Variants in MROH1 observed in about 807,000 individuals in gnomAD.
The protein encoded by MROH1 is maestro heat-like repeat-containing protein family member 1.
A neutral mutation model predicts 116.5 loss-of-function variants in MROH1; 117 were observed. That is an observed-to-expected ratio of 1.00 (90% CI 0.86 to 1.17). The LOEUF (loss-of-function observed/expected upper bound fraction) is 1.17, where lower values mean the gene tolerates loss of function less well. MROH1 is among the 50% of genes most tolerant of loss of function. MROH1 has a pLI of 0.00. For synonymous variants in MROH1, 921 were observed against 583.9 expected, an observed-to-expected ratio of 1.58 and a Z score of -8.32; for missense variants, 1,873 against 1,338.5, an observed-to-expected ratio of 1.40 and a Z score of -6.23.
intron 31 of MROH1, among the ~76,000 whole-genome samples, 188 bp downstream of exon 31, chr8:144,247,867 C>T (rs1040156158): frequency 2.2e-4 from 34 of 152,370 alleles, no homozygotes; most frequent in African/African-American, 4.1e-4. Flanking sequence ...CACCCACACC[C>T]GCCTACGCTG....
chr8:144,216,387 T>C (rs1588245945), intron 12 of MROH1, among the ~76,000 whole-genome samples: 1 of 152,020 alleles, frequency 6.6e-6, no homozygotes, highest in African/African-American at 2.4e-5. Flanking sequence ...GGCAGGAGAA[T>C]GGCGTGAACC....
intron 3 of MROH1, among the ~76,000 whole-genome samples, chr8:144,166,941 C>T (rs1455516935): frequency 6.6e-6 from 1 of 152,186 alleles, no homozygotes; most frequent in African/African-American, 2.4e-5. Context: ...TGATTTGGAT[C>T]AGCCTGTTTG....
Position 144,255,504 on chromosome 8 carries a change from C to T in MROH1, c.3595-5C>T, listed in dbSNP as rs1335865844. On this transcript the variant is annotated splice_polypyrimidine_tract_variant and splice_region_variant and intron_variant, in intron 34 of 43. Transcript: ENST00000326134. ...GGCATGGCCCTGTGATGACTTCTCCCCCAGGCTACCTGTGCACTGTTTGAG... is the reference window on the plus strand; with the variant it reads ...GGCATGGCCCTGTGATGACTTCTCCTCCAGGCTACCTGTGCACTGTTTGAG... The T allele has an allele frequency of 2.6e-6, 2 of 778,572 alleles. No individual in the cohort carries two copies. Among genetic ancestry groups the T allele is most frequent in the South Asian group, 1.3e-5 (1 of 74,488 alleles). The allele number at this position is 778,572 out of a possible 1,614,324, so 48.2% of individuals were successfully genotyped here. A position where few individuals can be genotyped will look rare whatever the true frequency, so the allele number is the denominator to read the frequency against.
intron 12 of MROH1, among the ~76,000 whole-genome samples, chr8:144,208,885 G>A (rs1314353813): frequency 6.6e-6 from 1 of 151,864 alleles, no homozygotes; most frequent in Non-Finnish European, 1.5e-5. Context: ...CACCACATCC[G>A]GCTAATTTTT....
Position 144,180,005 on chromosome 8 carries a change from TGTGGGGTCTCCTCAGCAGCCCCTCAGC to T in MROH1, c.301-172_301-146del. ...TCACCAGGGCTCTGCTGCTCCTGCG[TGTGGGGTCTCCTCAGCAGCCCCTCAGC>T]AGAGGAGGCTGTGCCCGCCACCTTC... On this transcript the variant is annotated intron_variant, in intron 5 of 43. Transcript: ENST00000326134. The surrounding 1 kb of genome is among the most constrained non-coding windows in gnomAD (Gnocchi z 7.4). Among the ~76,000 whole-genome samples, 2 of 149,750 alleles carry T rather than the reference TGTGGGGTCTCCTCAGCAGCCCCTCAGC, an allele frequency of 1.3e-5. No homozygotes were observed. Among genetic ancestry groups the T allele is most frequent in the Non-Finnish European group, 3.0e-5 (2 of 67,254 alleles).
chr8:144,261,261 C>T (rs1244017548), intron 42 of MROH1, 23 bp from the exon 43 acceptor site: 11 of 750,330 alleles, frequency 1.5e-5, no homozygotes, highest in South Asian at 8.3e-5. Flanking sequence ...CCGGCAGCCC[C>T]GCCTGATGCC....
Position 144,258,891 on chromosome 8 carries a change from G to A in MROH1, c.3906G>A (p.Glu1302=), listed in dbSNP as rs961373069. Residue 1302 remains glutamate, a synonymous_variant, in exon 36 of 44, where the codon GAG becomes GAA. Coordinates refer to ENST00000326134, the MANE Select transcript of MROH1 (RefSeq NM_032450.3). ...WELLRTSAGH[E]EGATRLARAM... ...TGCTCAGGACCTCGGCGGGGCATGAGGAGGGGGCCACCAGGTTGGCCAGGT... is the reference window on the plus strand; with the variant it reads ...TGCTCAGGACCTCGGCGGGGCATGAAGAGGGGGCCACCAGGTTGGCCAGGT... The A allele has an allele frequency of 1.8e-5, 14 of 760,334 alleles. No homozygotes were observed. The highest frequency in any genetic ancestry group is 3.6e-4 in the Middle Eastern group (1 of 2,810). The allele number at this position is 760,334 out of a possible 1,614,324, so 47.1% of individuals were successfully genotyped here. A position where few individuals can be genotyped will look rare whatever the true frequency, so the allele number is the denominator to read the frequency against.
chr8:144,238,428 G>T (rs1840408988), intron 14 of MROH1, among the ~76,000 whole-genome samples: 1 of 152,136 alleles, frequency 6.6e-6, no homozygotes, highest in Admixed American at 6.5e-5. Context: ...TGGGAACCAG[G>T]TTTTCTGACA....
chr8:144,253,109 G>A (rs1483873351), intron 33 of MROH1, among the ~76,000 whole-genome samples: 2 of 151,576 alleles, frequency 1.3e-5, no homozygotes, highest in Non-Finnish European at 2.9e-5. Context: ...AGCTGAGATC[G>A]CGCCGTTGCA....
chr8:144,218,658 C>CCT (rs1491504473), intron 12 of MROH1, among the ~76,000 whole-genome samples: 2 of 128,096 alleles, frequency 1.6e-5, no homozygotes, highest in Non-Finnish European at 3.4e-5. Flanking sequence ...ATCCTCCCCT[C>CCT]CTCTCCCCTC....
At chr8:144,154,209 C>T (rs1430949062) in intron 1 of MROH1, among the ~76,000 whole-genome samples, 3 of 152,074 alleles carry the variant, frequency 2.0e-5, no homozygotes, top group Admixed American at 1.3e-4. Flanking sequence ...GGATTACAGG[C>T]ACGTGCCACC....
At chr8:144,256,661 G>A (rs1387608986) in intron 35 of MROH1, among the ~76,000 whole-genome samples, 4 of 152,178 alleles carry the variant, frequency 2.6e-5, no homozygotes, top group Non-Finnish European at 5.9e-5. Flanking sequence ...CCCACCCCCA[G>A]GTGCCCCTTC....
chr8:144,229,640 C>T (rs1158147296), intron 14 of MROH1, among the ~76,000 whole-genome samples: 1 of 152,130 alleles, frequency 6.6e-6, no homozygotes, highest in Non-Finnish European at 1.5e-5. Context: ...ATCTGCCCAC[C>T]TGGGTGACAG....
At chr8:144,203,933 TCACTTTG>T (rs1411449520) in intron 12 of MROH1, among the ~76,000 whole-genome samples, 1 of 152,206 alleles carries the variant, frequency 6.6e-6, no homozygotes, top group Non-Finnish European at 1.5e-5. Context: ...TTTTCAGCGT[TCACTTTG>T]TTTTCCCCAT....
intron 31 of MROH1, 68 bp from the exon 32 acceptor site, chr8:144,248,809 G>A (rs1253593322): frequency 9.4e-6 from 7 of 747,676 alleles, no homozygotes; most frequent in African/African-American, 1.7e-5. Context: ...CCTGAGACCC[G>A]ATGCCTAACA....
In MROH1 at chr8:144,223,221, C is replaced by A; in HGVS notation, c.1329C>A (p.Pro443=). 1 of 1,603,744 alleles carries A rather than the reference C, an allele frequency of 6.2e-7. No homozygotes were observed. The highest frequency in any genetic ancestry group is 2.3e-5 in the East Asian group (1 of 44,404). The stretch of plus-strand genomic sequence containing the variant: ...TCGTGCAGCAGTGCGCGCTGCCCCC[C>A]GAGCAGGAGGTAAGGGGCTGCCACC... ...EYIVQQCALP[P]EQEPEKPGPG... is the part of the protein sequence containing the mutation. Residue 443 remains proline, a synonymous_variant, in exon 14 of 44, where the codon CCC becomes CCA. Coordinates refer to ENST00000326134, the MANE Select transcript of MROH1 (RefSeq NM_032450.3).
chr8:144,247,395 A>G lies in MROH1; in HGVS notation c.2966A>G (p.Asp989Gly). ...LWPATRQEAV[D>G]CVYSLLYLQL... ...CCTGCCACCCGCCAGGAGGCCGTGG[A>G]CTGTGTCTACTCCCTGCTGTACCTC... The change falls in exon 30 of 44, where the codon GAC becomes GGC. Residue 989 changes from aspartate to glycine, a missense_variant. By Grantham distance (94) the Asp-to-Gly change is moderately conservative (BLOSUM62 -1). Transcript: ENST00000326134. 1 of 771,018 alleles carries G rather than the reference A, an allele frequency of 1.3e-6. No homozygotes were observed. The highest frequency in any genetic ancestry group is 2.4e-6 in the Non-Finnish European group (1 of 413,728). 47.8% of individuals were successfully genotyped at this position (771,018 alleles called of 1,614,324 possible).
chr8:144,244,675 C>T (rs1841584153), intron 28 of MROH1, 136 bp downstream of exon 28: 1 of 669,996 alleles, frequency 1.5e-6, no homozygotes, highest in Non-Finnish European at 2.7e-6. Context: ...GGTTTATGAA[C>T]AGGCAGGTGC....
chr8:144,258,741 G>A, intron 35 of MROH1, 36 bp from the exon 36 acceptor site: 2 of 748,886 alleles, frequency 2.7e-6, no homozygotes, highest in Non-Finnish European at 4.9e-6. Flanking sequence ...GTAGGCGTGT[G>A]TGCCCTACCA....
Sources: allele counts gnomAD v4.1 joint callset (sites outside exome capture counted in the v4.1 genomes callset), GRCh38; gene constraint gnomAD v4.1.1; non-coding constraint Gnocchi (gnomAD v3.1); transcripts MANE v1.5; gene names NCBI Gene and HGNC (gene_info 2026-07-23, HGNC 2026-07-21).